LYPD6B: variants seen among roughly 807,000 people sequenced by gnomAD.
LYPD6B encodes the protein ly6/PLAUR domain-containing protein 6B.
LYPD6B carries 17 observed loss-of-function variants against 22.8 expected under a neutral mutation model. That is an observed-to-expected ratio of 0.75 (90% CI 0.51 to 1.12). The LOEUF is 1.12. Among genes scored for constraint, LYPD6B ranks in the 50% most tolerant of loss-of-function variants. The probability of loss-of-function intolerance (pLI) is 0.00; values close to 1 mark genes in which losing one functional copy is unlikely to be tolerated. For synonymous variants in LYPD6B, 106 were observed against 91.6 expected (o/e 1.16, Z -0.90); for missense variants, 221 against 258.3 (o/e 0.86, Z 0.99).
chr2:149,051,226 C>T (rs990435519), intron 1 of LYPD6B, among the ~76,000 whole-genome samples: 2 of 151,574 alleles, frequency 1.3e-5, no homozygotes, highest in Non-Finnish European at 2.9e-5. Context: ...AGTGCAGTGG[C>T]ACGAACTTGG....
At chr2:149,214,292 C>T (rs1310918183) in intron 6 of LYPD6B, among the ~76,000 whole-genome samples, 3 of 152,020 alleles carry the variant, frequency 2.0e-5, no homozygotes, top group African/African-American at 7.3e-5. Flanking sequence ...TCCTCTTTGC[C>T]TTGCTAATGC....
rs1022648093 is a variant in LYPD6B at position 149,189,231 on chromosome 2, T to C, written c.78-16022T>C. Among the ~76,000 whole-genome samples, 5 of 151,542 alleles carry C rather than the reference T, an allele frequency of 3.3e-5. No individual in the cohort carries two copies. In the East Asian group the frequency reaches 7.8e-4, roughly 24 times the overall value. ...ACCTCAAATGTAGTCGTGGGAGATA[T>C]GGAGCTATTTTTAATATTTCAAAAA... On this transcript the variant is annotated intron_variant, in intron 3 of 6. Transcript: ENST00000409642.
intron 2 of LYPD6B, among the ~76,000 whole-genome samples, chr2:149,154,992 G>C (rs1689609376): frequency 6.6e-6 from 1 of 152,102 alleles, no homozygotes; most frequent in South Asian, 2.1e-4. Context: ...TGGAAGCTTT[G>C]TTTCTTTTTT....
intron 5 of LYPD6B, 120 bp from the exon 6 acceptor site, chr2:149,212,872 A>T: frequency 1.1e-6 from 1 of 945,472 alleles, no homozygotes; most frequent in Non-Finnish European, 1.5e-6. Flanking sequence ...TTGCCTAAAA[A>T]CCCCAGGACT....
At chr2:149,051,466 A>G (rs1185404032) in intron 1 of LYPD6B, among the ~76,000 whole-genome samples, 2 of 152,100 alleles carry the variant, frequency 1.3e-5, no homozygotes, top group Non-Finnish European at 2.9e-5. Context: ...CGCCCGGCCA[A>G]CAACATTATT....
intron 1 of LYPD6B, among the ~76,000 whole-genome samples, chr2:149,128,185 GC>G (rs1687815722): frequency 6.6e-6 from 1 of 152,022 alleles, no homozygotes; most frequent in African/African-American, 2.4e-5. Context: ...TGAAAATCAA[GC>G]TTGAGTCTAA....
intron 2 of LYPD6B, among the ~76,000 whole-genome samples, chr2:149,159,410 T>A (rs1689904958): frequency 6.6e-6 from 1 of 152,186 alleles, no homozygotes; most frequent in African/African-American, 2.4e-5. Context: ...AAGTAATAAT[T>A]ACCTTACAAC....
intron 3 of LYPD6B, among the ~76,000 whole-genome samples, chr2:149,168,579 C>G (rs780157481): frequency 1.3e-5 from 2 of 152,160 alleles, no homozygotes; most frequent in Non-Finnish European, 1.5e-5. Flanking sequence ...CATATTTAAG[C>G]TGTGAATATT....
At chr2:149,138,695 C>T (rs1688511242) in intron 2 of LYPD6B, among the ~76,000 whole-genome samples, 1 of 152,098 alleles carries the variant, frequency 6.6e-6, no homozygotes, top group Non-Finnish European at 1.5e-5. Flanking sequence ...GTATGTGTAC[C>T]ACACTCGGCC....
At chr2:149,135,150 CACA>C (rs71406041) in intron 2 of LYPD6B, among the ~76,000 whole-genome samples, 28,619 of 150,318 alleles carry the variant, frequency 0.19, 2,836 homozygotes, top group East Asian at 0.36. Context: ...GAGGCTGAGA[CACA>C]ACAATTGCTT....
intron 1 of LYPD6B, chr2:149,068,923 G>T: frequency 3.9e-6 from 1 of 259,402 alleles, no homozygotes. Flanking sequence ...TGGCTGATGG[G>T]GTCTTCTAAG....
At chr2:149,063,076 C>A (rs1310670847) in intron 1 of LYPD6B, among the ~76,000 whole-genome samples, 1 of 151,846 alleles carries the variant, frequency 6.6e-6, no homozygotes. Flanking sequence ...GAACTTATAT[C>A]TTAATGGGAA....
chr2:149,044,810 AT>A (rs1683236601), intron 1 of LYPD6B, among the ~76,000 whole-genome samples: 1 of 139,778 alleles, frequency 7.2e-6, no homozygotes, highest in Non-Finnish European at 1.6e-5. Context: ...GTTTTTTAAA[AT>A]TATGGGTGGA....
chr2:149,095,440 G>C (rs1685859556), intron 1 of LYPD6B, among the ~76,000 whole-genome samples: 1 of 152,198 alleles, frequency 6.6e-6, no homozygotes, highest in Non-Finnish European at 1.5e-5. Context: ...ATTAGTAAGA[G>C]TGTAGCTGTT....
chr2:149,210,559 A>G (rs1559081817), intron 5 of LYPD6B, among the ~76,000 whole-genome samples: 1 of 152,218 alleles, frequency 6.6e-6, no homozygotes, highest in African/African-American at 2.4e-5. Flanking sequence ...GCCTACGGCT[A>G]TTGTTCTTTG....
intron 2 of LYPD6B, among the ~76,000 whole-genome samples, chr2:149,146,971 C>T (rs56188611): frequency 0.014 from 2,129 of 152,288 alleles, 43 homozygotes; most frequent in African/African-American, 0.048. Context: ...ATCACGAATA[C>T]GGGTGCCCTC....
intron 2 of LYPD6B, among the ~76,000 whole-genome samples, chr2:149,149,120 T>C (rs1689208541): frequency 6.6e-6 from 1 of 152,140 alleles, no homozygotes; most frequent in African/African-American, 2.4e-5. Flanking sequence ...CATTTGGAGT[T>C]ACGCAAGAAT....
intron 3 of LYPD6B, among the ~76,000 whole-genome samples, chr2:149,165,062 T>C (rs1200155138): frequency 6.6e-6 from 1 of 152,198 alleles, no homozygotes; most frequent in Non-Finnish European, 1.5e-5. Context: ...GCCCCTGTGC[T>C]CAGCTGGTAC....
chr2:149,208,629 T>C (rs1036668537), intron 5 of LYPD6B, among the ~76,000 whole-genome samples: 3 of 152,194 alleles, frequency 2.0e-5, no homozygotes, highest in Non-Finnish European at 4.4e-5. Context: ...GGAGAACACA[T>C]AGACCACAAT....
Sources: gnomAD v4.1 joint callset for allele counts (sites outside exome capture counted in the v4.1 genomes callset) on GRCh38, gnomAD v4.1.1 for gene constraint, MANE v1.5 for transcripts, NCBI Gene and HGNC (gene_info 2026-07-23, HGNC 2026-07-21) for gene names.